EYS: variants seen among roughly 807,000 people sequenced by gnomAD.
EYS encodes EGF-like photoreceptor maintenance factor.
A neutral mutation model predicts 282.1 loss-of-function variants in EYS; 250 were observed. The observed-to-expected ratio is 0.89, with a 90% confidence interval of 0.80 to 0.98. The LOEUF is 0.98. Among genes scored for constraint, EYS ranks in the 50% least tolerant of loss-of-function variants. The pLI is 0.00. For missense variants in EYS, 4,016 were observed against 3,709.0 expected, an observed-to-expected ratio of 1.08 and a Z score of -2.15; for synonymous variants, 1,355 against 1,282.9, an observed-to-expected ratio of 1.06 and a Z score of -1.20.
At chr6:65,378,281 A>T (rs530311125) in intron 8 of EYS, among the ~76,000 whole-genome samples, 7 of 152,360 alleles carry the variant, frequency 4.6e-5, no homozygotes, top group African/African-American at 1.7e-4. Flanking sequence ...AACATATGAA[A>T]AAAAGCTCAT....
At chr6:64,871,620 G>T (rs1766599799) in intron 19 of EYS, among the ~76,000 whole-genome samples, 1 of 151,956 alleles carries the variant, frequency 6.6e-6, no homozygotes, top group African/African-American at 2.4e-5. Context: ...AACTATGTCT[G>T]CTCTCTTGGA....
In EYS at chr6:65,434,446, G is replaced by A. The variant is rs560112056; in HGVS notation, c.863-29079C>T. Among the ~76,000 whole-genome samples the A allele has an allele frequency of 3.3e-5, 5 of 151,480 alleles. No homozygotes were observed. In the East Asian group the frequency reaches 5.9e-4, roughly 18 times the overall value. On this transcript the variant is annotated intron_variant, in intron 5 of 42. Coordinates refer to ENST00000503581, the MANE Select transcript of EYS (RefSeq NM_001142800.2). Reference sequence around the variant, plus strand: ...CGCCATTCTCCTGCCTCAGCCTCCCGAGTAGCTGGGACTACAGGCGCCCGC... The same window carrying A: ...CGCCATTCTCCTGCCTCAGCCTCCCAAGTAGCTGGGACTACAGGCGCCCGC...
At chr6:64,969,781 A>C (rs1052182498) in intron 14 of EYS, among the ~76,000 whole-genome samples, 11 of 152,186 alleles carry the variant, frequency 7.2e-5, no homozygotes, top group African/African-American at 2.7e-4. Context: ...TTACTAGCCT[A>C]TCTCCACACA....
chr6:63,881,149 G>A (rs1214449274), intron 35 of EYS, among the ~76,000 whole-genome samples: 1 of 152,060 alleles, frequency 6.6e-6, no homozygotes. Context: ...CCTTCAGATG[G>A]GCTAGATAAG....
chr6:64,626,296 C>T (rs1017719158), intron 22 of EYS, 51 bp from the exon 23 acceptor site: 3 of 1,489,566 alleles, frequency 2.0e-6, no homozygotes, highest in Admixed American at 2.9e-5. Flanking sequence ...CACATGAGCA[C>T]TATCACTTTT....
chr6:65,219,438 A>G (rs779271569), intron 12 of EYS, among the ~76,000 whole-genome samples: 1 of 152,192 alleles, frequency 6.6e-6, no homozygotes, highest in Non-Finnish European at 1.5e-5. Flanking sequence ...CTGCTTGTAA[A>G]GATGCTGGAG....
At chr6:63,869,919 T>TA (rs563921263) in intron 35 of EYS, among the ~76,000 whole-genome samples, 182 of 152,044 alleles carry the variant, frequency 1.2e-3, no homozygotes, top group African/African-American at 4.0e-3. Context: ...CCTCCCCCCA[T>TA]AAAAAAAATC....
chr6:64,269,022 T>G (rs1767855386), intron 30 of EYS, among the ~76,000 whole-genome samples: 1 of 152,046 alleles, frequency 6.6e-6, no homozygotes, highest in Non-Finnish European at 1.5e-5. Flanking sequence ...GCTGAAAAAA[T>G]GTATGCTTCC....
chr6:64,352,990 A>C (rs1178659539), intron 29 of EYS, among the ~76,000 whole-genome samples: 1 of 151,492 alleles, frequency 6.6e-6, no homozygotes, highest in African/African-American at 2.4e-5. Context: ...GTTCACTAGA[A>C]ATTGTGCTAT....
At chr6:65,468,112 C>T (rs1381582791) in intron 5 of EYS, among the ~76,000 whole-genome samples, 2 of 152,010 alleles carry the variant, frequency 1.3e-5, no homozygotes, top group East Asian at 3.9e-4. Flanking sequence ...AAATTAACCT[C>T]CTGAGCACTC....
rs540432252 is a variant in EYS, at chr6:64,393,534, A to C, written c.5928-4694T>G. Among the ~76,000 whole-genome samples the C allele has an allele frequency of 1.2e-3, 179 of 152,276 alleles. 1 individual carries two copies. Among genetic ancestry groups the C allele is most frequent in the Non-Finnish European group, 1.9e-3 (132 of 68,028 alleles). ...AAACAGAGTCAAAGACAAAAACCAC[A>C]TGATTATCTCAATAGATGCAGAAAA... On this transcript the variant is annotated intron_variant, in intron 28 of 42. Transcript: ENST00000503581.
intron 26 of EYS, among the ~76,000 whole-genome samples, chr6:64,445,060 C>T (rs1775075380): frequency 6.6e-6 from 1 of 152,196 alleles, no homozygotes; most frequent in Admixed American, 6.5e-5. Context: ...ACAAAACAGA[C>T]TAACACACTA....
At chr6:65,045,368 A>G (rs1157097701) in intron 13 of EYS, among the ~76,000 whole-genome samples, 3 of 152,000 alleles carry the variant, frequency 2.0e-5, no homozygotes, top group Middle Eastern at 3.4e-3. Context: ...GTATCCTGCT[A>G]TAGTCTGAAT....
chr6:65,307,880 T>C (rs1372267344), intron 11 of EYS, among the ~76,000 whole-genome samples: 3 of 144,088 alleles, frequency 2.1e-5, no homozygotes, highest in Non-Finnish European at 4.6e-5. Flanking sequence ...AAAACCTAGG[T>C]AACTTTGGAA....
At chr6:65,443,186 T>C (rs1415240220) in intron 5 of EYS, among the ~76,000 whole-genome samples, 1 of 151,782 alleles carries the variant, frequency 6.6e-6, no homozygotes, top group African/African-American at 2.4e-5. Flanking sequence ...GCACATCATA[T>C]ACATATGTGC....
intron 5 of EYS, among the ~76,000 whole-genome samples, chr6:65,414,560 A>G (rs1423978103): frequency 6.6e-6 from 1 of 152,138 alleles, no homozygotes; most frequent in Non-Finnish European, 1.5e-5. Context: ...AGTGAAGGAA[A>G]AGGAAAAGGA....
intron 32 of EYS, among the ~76,000 whole-genome samples, chr6:64,077,037 T>G (rs1265962185): frequency 6.6e-6 from 1 of 151,968 alleles, no homozygotes; most frequent in African/African-American, 2.4e-5. Context: ...GAATTTGTCT[T>G]TGCTGTCATA....
At chr6:64,928,318 T>G (rs1376458475) in intron 15 of EYS, among the ~76,000 whole-genome samples, 1 of 152,130 alleles carries the variant, frequency 6.6e-6, no homozygotes, top group Non-Finnish European at 1.5e-5. Flanking sequence ...ATACAGATTT[T>G]GCAGCAAATA....
chr6:65,653,549 T>C (rs1160346602), intron 1 of EYS, among the ~76,000 whole-genome samples: 2 of 151,936 alleles, frequency 1.3e-5, no homozygotes, highest in Non-Finnish European at 2.9e-5. Flanking sequence ...TATCATATCA[T>C]TGCCGTATTC....
Sources: allele counts gnomAD v4.1 joint callset (sites outside exome capture counted in the v4.1 genomes callset), GRCh38; gene constraint gnomAD v4.1.1; transcripts MANE v1.5; gene names NCBI Gene and HGNC (gene_info 2026-07-23, HGNC 2026-07-21).